The following ADAMTS19 variants were observed in gnomAD, a reference collection of about 807,000 sequenced individuals.
The protein encoded by ADAMTS19 is A disintegrin and metalloproteinase with thrombospondin motifs 19.
A neutral mutation model predicts 153.3 loss-of-function variants in ADAMTS19; 93 were observed. The ratio of observed to expected loss-of-function variants is 0.61; its 90% CI spans 0.51 to 0.72. ADAMTS19 has a LOEUF of 0.72. Among genes scored for constraint, ADAMTS19 ranks in the 30% least tolerant of loss-of-function variants. ADAMTS19 has a pLI of 0.00. For synonymous variants in ADAMTS19, 600 were observed against 556.6 expected (o/e 1.08, Z -1.10); for missense variants, 1,482 against 1,552.1 (o/e 0.95, Z 0.76).
At chr5:129,460,539 A>C in intron 1 of ADAMTS19, 57 bp downstream of exon 1, 1 of 1,603,828 alleles carries the variant, frequency 6.2e-7, no homozygotes, top group Non-Finnish European at 8.5e-7. Context: ...GGAGACCGCG[A>C]ACGTACGGGT....
intron 11 of ADAMTS19, among the ~76,000 whole-genome samples, chr5:129,647,007 T>G (rs1188863582): frequency 6.6e-6 from 1 of 152,062 alleles, no homozygotes; most frequent in Non-Finnish European, 1.5e-5. Context: ...TGCTTTTGTT[T>G]TCAGTGAATG....
At chr5:129,541,127 A>G (rs1049810255) in intron 6 of ADAMTS19, among the ~76,000 whole-genome samples, 11 of 151,776 alleles carry the variant, frequency 7.2e-5, no homozygotes, top group African/African-American at 2.4e-4. Context: ...TTATTTTTCA[A>G]TTTTAGTGAG....
At chr5:129,683,095 T>A (rs374043394) in intron 17 of ADAMTS19, among the ~76,000 whole-genome samples, 1 of 152,024 alleles carries the variant, frequency 6.6e-6, no homozygotes, top group Non-Finnish European at 1.5e-5. Context: ...TCATATTATA[T>A]TATATAGATT....
At chr5:129,514,763 C>A (rs912049644) in intron 3 of ADAMTS19, among the ~76,000 whole-genome samples, 5 of 151,796 alleles carry the variant, frequency 3.3e-5, no homozygotes, top group African/African-American at 1.2e-4. Context: ...TAATTGTATC[C>A]TTTGCCGTGC....
chr5:129,492,585 G>A (rs1750804757), intron 2 of ADAMTS19, among the ~76,000 whole-genome samples: 1 of 151,268 alleles, frequency 6.6e-6, no homozygotes, highest in African/African-American at 2.4e-5. Context: ...AATGAAAATA[G>A]TGTAACCACA....
At chr5:129,631,762 TA>T (rs1354547850) in intron 10 of ADAMTS19, among the ~76,000 whole-genome samples, 1 of 152,072 alleles carries the variant, frequency 6.6e-6, no homozygotes, top group Non-Finnish European at 1.5e-5. Context: ...TCTTGTAGTA[TA>T]AGCATGTAGT....
At chr5:129,630,473 A>C (rs1752238680) in intron 10 of ADAMTS19, among the ~76,000 whole-genome samples, 1 of 152,108 alleles carries the variant, frequency 6.6e-6, no homozygotes, top group South Asian at 2.1e-4. Context: ...TATGTGTACA[A>C]TTGATTTCAA....
At chr5:129,699,091 C>T (rs1317659506) in intron 19 of ADAMTS19, among the ~76,000 whole-genome samples, 1 of 152,150 alleles carries the variant, frequency 6.6e-6, no homozygotes, top group Admixed American at 6.5e-5. Flanking sequence ...ATTAAGGTTA[C>T]TTCTGTAAAA....
intron 2 of ADAMTS19, among the ~76,000 whole-genome samples, chr5:129,483,496 T>A (rs1750484919): frequency 6.6e-6 from 1 of 152,206 alleles, no homozygotes; most frequent in Non-Finnish European, 1.5e-5. Flanking sequence ...TACCCCTAGA[T>A]GCTCAGTTGT....
chr5:129,504,539 C>A (rs1389105001), intron 2 of ADAMTS19, among the ~76,000 whole-genome samples: 1 of 152,078 alleles, frequency 6.6e-6, no homozygotes, highest in Non-Finnish European at 1.5e-5. Flanking sequence ...ACTCTCTTGA[C>A]AATTTTCAAA....
At chr5:129,700,441 T>G (rs573185586) in intron 19 of ADAMTS19, among the ~76,000 whole-genome samples, 1 of 152,298 alleles carries the variant, frequency 6.6e-6, no homozygotes, top group East Asian at 1.9e-4. Context: ...TGCTGATAAG[T>G]GTAATACCTT....
intron 8 of ADAMTS19, among the ~76,000 whole-genome samples, chr5:129,602,128 T>C (rs1750679889): frequency 6.6e-6 from 1 of 152,346 alleles, no homozygotes; most frequent in Admixed American, 6.5e-5. Context: ...GTTTCACTCT[T>C]GTTGCCCAGG....
At chr5:129,626,414 T>A (rs1380020676) in intron 10 of ADAMTS19, among the ~76,000 whole-genome samples, 1 of 152,152 alleles carries the variant, frequency 6.6e-6, no homozygotes, top group Non-Finnish European at 1.5e-5. Context: ...CTGCACAGAT[T>A]TTTTCCTTGA....
At chr5:129,687,511 A>G (rs1357425588) in intron 18 of ADAMTS19, among the ~76,000 whole-genome samples, 1 of 152,210 alleles carries the variant, frequency 6.6e-6, no homozygotes, top group Non-Finnish European at 1.5e-5. Flanking sequence ...ACTTCCTAAA[A>G]TATGTTCTTC....
chr5:129,702,941 A>AATATATATATATATATATATAT lies in ADAMTS19; in HGVS notation c.3160-1288_3160-1267dup, dbSNP rs59614056. On this transcript the variant is annotated intron_variant, in intron 20 of 22. Transcript: ENST00000274487. Reference sequence around the variant, plus strand: ...TAGTTTGACTTGCCAAAAAAAAAAAAATATATATATATATATATATATATA... The same window carrying AATATATATATATATATATATAT: ...TAGTTTGACTTGCCAAAAAAAAAAAAATATATATATATATATATATATATATATATATATATATATATATATA... Among the ~76,000 whole-genome samples the AATATATATATATATATATATAT allele has an allele frequency of 2.4e-3, 69 of 28,960 alleles. 2 individuals carry two copies. The highest frequency in any genetic ancestry group is 2.7e-3 in the Non-Finnish European group (31 of 11,436). The allele number at this position is 28,960 out of a possible 152,430, so 19.0% of individuals were successfully genotyped here.
chr5:129,573,902 GA>G (rs960547127), intron 7 of ADAMTS19, among the ~76,000 whole-genome samples: 11 of 151,890 alleles, frequency 7.2e-5, no homozygotes, highest in Non-Finnish European at 1.6e-4. Context: ...GGGAAATTTA[GA>G]CCATTTGAAT....
rs1281719867 is a variant in ADAMTS19, at chr5:129,461,890, C to G, written c.747+133C>G. The G allele has an allele frequency of 1.6e-6, 2 of 1,275,420 alleles. No homozygotes were observed. The highest frequency in any genetic ancestry group is 6.2e-5 in the Admixed American group (2 of 32,450). 79.0% of individuals were successfully genotyped at this position (1,275,420 alleles called of 1,614,324 possible). A position where few individuals can be genotyped will look rare whatever the true frequency, so the allele number is the denominator to read the frequency against. On this transcript the variant is annotated intron_variant, in intron 2 of 22. Transcript: ENST00000274487. This position sits in a 1 kb window ranked among gnomAD's most constrained non-coding sequence, Gnocchi z 4.6. ...TGAGCTTGGCCCTAGACTGCACCCC[C>G]AGGTGTCTACATCGTTTGCCTCCCA...
chr5:129,651,556 A>G (rs767829968), intron 13 of ADAMTS19, among the ~76,000 whole-genome samples: 16 of 152,118 alleles, frequency 1.1e-4, no homozygotes, highest in Non-Finnish European at 2.4e-4. Flanking sequence ...CCTTTATACC[A>G]GCTGGGTTTT....
chr5:129,665,977 ATG>A (rs201936004), intron 16 of ADAMTS19, among the ~76,000 whole-genome samples: 1,797 of 149,054 alleles, frequency 0.012, 36 homozygotes, highest in African/African-American at 0.042. Flanking sequence ...AAATGAATTT[ATG>A]TATATATATA....
Sources: allele counts gnomAD v4.1 joint callset (sites outside exome capture counted in the v4.1 genomes callset), GRCh38; gene constraint gnomAD v4.1.1; non-coding constraint Gnocchi (gnomAD v3.1); transcripts MANE v1.5; gene names NCBI Gene and HGNC (gene_info 2026-07-23, HGNC 2026-07-21).